The following CHAF1A variants were observed in gnomAD, a reference collection of about 807,000 sequenced individuals.
The protein encoded by CHAF1A is CAF-1 subunit A.
A neutral mutation model predicts 93.2 loss-of-function variants in CHAF1A; 5 were observed. The observed-to-expected ratio is 0.05, with a 90% CI of 0.03 to 0.11. The LOEUF (loss-of-function observed/expected upper bound fraction) is 0.11, where lower values mean the gene tolerates loss of function less well. Ranked by LOEUF, CHAF1A falls within the 10% of genes least tolerant of loss-of-function variation. The pLI is 1.00. For missense variants in CHAF1A, 1,102 were observed against 1,259.9 expected (o/e 0.87, Z 1.90); for synonymous variants, 504 against 510.3 (o/e 0.99, Z 0.17).
At chr19:4,447,310 G>C, downstream of CHAF1A, 1 of 581,126 alleles carries the variant, frequency 1.7e-6, no homozygotes, top group Non-Finnish European at 3.1e-6. Context: ...AGCTGAAGAG[G>C]AGGAAAAGGA....
At chr19:4,417,726 G>A (rs1423984250) in intron 3 of CHAF1A, among the ~76,000 whole-genome samples, 2 of 152,164 alleles carry the variant, frequency 1.3e-5, no homozygotes, top group African/African-American at 4.8e-5. Flanking sequence ...CTCCCAAAGT[G>A]CTGGAATTAC....
At chr19:4,407,566 A>C (rs1037432876) in intron 2 of CHAF1A, among the ~76,000 whole-genome samples, 4 of 152,226 alleles carry the variant, frequency 2.6e-5, no homozygotes, top group Admixed American at 6.5e-5. Flanking sequence ...TAAATTTGGA[A>C]TATGAACTGC....
chr19:4,429,823 C>T (rs753639998), intron 10 of CHAF1A, 35 bp downstream of exon 10: 15 of 1,571,202 alleles, frequency 9.5e-6, no homozygotes, highest in South Asian at 6.9e-5. Flanking sequence ...CACTCACAGA[C>T]GGCTTGTGTT....
At position 4,427,071 on chromosome 19, in the gene CHAF1A, A is replaced by G. The variant is rs528280678; in HGVS notation, c.1378-1593A>G. Among the ~76,000 whole-genome samples the G allele has an allele frequency of 4.6e-4, 67 of 144,938 alleles. 2 individuals carry two copies. Among genetic ancestry groups the G allele is most frequent in the Non-Finnish European group, 7.5e-5 (5 of 66,320 alleles). ...GCACCACTGTACTCCAGGCTGCGCA[A>G]TGAAGCGAGACTCCATCTCAGAAAA... On this transcript the variant is annotated intron_variant, in intron 7 of 14. Coordinates refer to ENST00000301280, the MANE Select transcript of CHAF1A (RefSeq NM_005483.3).
chr19:4,430,874 C>T, intron 11 of CHAF1A: 1 of 531,876 alleles, frequency 1.9e-6, no homozygotes, highest in South Asian at 2.1e-5. Flanking sequence ...TAGGAGCAGA[C>T]ACCCTGGTGA....
chr19:4,410,884 T>C (rs2145075023), intron 3 of CHAF1A, among the ~76,000 whole-genome samples: 1 of 152,316 alleles, frequency 6.6e-6, no homozygotes, highest in South Asian at 2.1e-4. Flanking sequence ...AGGGGGACTT[T>C]TGCATGGTCT....
chr19:4,445,535 T>G, downstream of CHAF1A: 1 of 1,613,894 alleles, frequency 6.2e-7, no homozygotes. Flanking sequence ...GAGCTCGGGT[T>G]TCAGGATGGA....
chr19:4,423,787 C>G lies in CHAF1A; in HGVS notation c.1309-19C>G. 6.2e-7 allele frequency: 1 copy of G among 1,612,758 alleles called. No individual in the cohort carries two copies. Among genetic ancestry groups the G allele is most frequent in the Non-Finnish European group, 8.5e-7 (1 of 1,178,732 alleles). On this transcript the variant is annotated intron_variant, in intron 6 of 14. Coordinates refer to ENST00000301280, the MANE Select transcript of CHAF1A (RefSeq NM_005483.3). The stretch of plus-strand genomic sequence containing the variant: ...CCTCTTCCTCTCCTCTTTCTCATCA[C>G]CATCTCTTAACATCACAGCGCATTA...
chr19:4,439,423 C>T (rs951024984), intron 13 of CHAF1A, among the ~76,000 whole-genome samples: 1 of 152,174 alleles, frequency 6.6e-6, no homozygotes, highest in East Asian at 1.9e-4. Context: ...GTGCTGCTGG[C>T]GAGATGACAG....
Position 4,415,949 on chromosome 19 carries a change from G to A in CHAF1A, c.961-2071G>A, listed in dbSNP as rs575952825. On this transcript the variant is annotated intron_variant, in intron 3 of 14. Coordinates refer to ENST00000301280, the MANE Select transcript of CHAF1A (RefSeq NM_005483.3). Reference sequence around the variant, plus strand: ...AGCACTTTGGGAGGCCGAGGCGGGCGGATCACGAGGTCAGGAGATCGAGAC... The same window carrying A: ...AGCACTTTGGGAGGCCGAGGCGGGCAGATCACGAGGTCAGGAGATCGAGAC... Among the ~76,000 whole-genome samples the A allele has an allele frequency of 2.8e-3, 421 of 152,184 alleles. 2 individuals are homozygous for A. The highest frequency in any genetic ancestry group is 9.9e-3 in the African/African-American group (410 of 41,546).
chr19:4,429,069 C>A, intron 8 of CHAF1A, 179 bp downstream of exon 8: 1 of 606,124 alleles, frequency 1.6e-6, no homozygotes, highest in Non-Finnish European at 2.9e-6. Context: ...CTGTAAGCTC[C>A]TGAAGTCTTC....
chr19:4,428,827 G>C lies in CHAF1A; in HGVS notation c.1541G>C (p.Gly514Ala). Residue 514 changes from glycine (G) to alanine (A), a missense_variant, in exon 8 of 15, where the codon GGC (glycine) becomes GCC (alanine). Transcript: ENST00000301280. Reference protein sequence around the residue: ...GEFSFLKDLKGRQPLRSGPTH... With the variant: ...GEFSFLKDLKARQPLRSGPTH... ...TTCTCCTTCTTGAAAGACCTCAAAG[G>C]CCGGCAGCCCCTGAGGTCCGGACCC... The C allele has an allele frequency of 6.2e-7, 1 of 1,614,016 alleles. No individual in the cohort carries two copies. Among genetic ancestry groups the C allele is most frequent in the African/African-American group, 1.3e-5 (1 of 75,036 alleles).
chr19:4,419,790 T>G (rs1973958391), intron 4 of CHAF1A, among the ~76,000 whole-genome samples: 1 of 152,308 alleles, frequency 6.6e-6, no homozygotes, highest in East Asian at 1.9e-4. Flanking sequence ...TAAAGCTCAT[T>G]GGAACCTCCG....
At chr19:4,440,603 A>C (rs1366912820) in intron 13 of CHAF1A, among the ~76,000 whole-genome samples, 1 of 152,044 alleles carries the variant, frequency 6.6e-6, no homozygotes, top group Non-Finnish European at 1.5e-5. Context: ...CACAGTCATC[A>C]CTTCACATCA....
chr19:4,427,300 C>A (rs1364918766), intron 7 of CHAF1A, among the ~76,000 whole-genome samples: 2 of 146,420 alleles, frequency 1.4e-5, no homozygotes, highest in Non-Finnish European at 3.0e-5. Flanking sequence ...CAGGTGCCCA[C>A]CACCATGCCA....
chr19:4,405,800 C>T, intron 1 of CHAF1A, 112 bp from the exon 2 acceptor site: 1 of 885,212 alleles, frequency 1.1e-6, no homozygotes, highest in Admixed American at 1.8e-5. Context: ...CCCCCGAGGA[C>T]AGAGGGGTCA....
chr19:4,448,307 C>T (rs748050606), downstream of CHAF1A: 2 of 1,596,768 alleles, frequency 1.3e-6, no homozygotes, highest in Non-Finnish European at 8.5e-7. Context: ...GCAAAGGGGC[C>T]ACACGCTCAC....
chr19:4,450,448 G>C, the CHAF1A span: 2 of 151,958 alleles, frequency 1.3e-5, no homozygotes, highest in African/African-American at 4.8e-5. Flanking sequence ...ATAGGCAAAA[G>C]CCTAAATTGC....
intron 1 of CHAF1A, among the ~76,000 whole-genome samples, chr19:4,404,012 G>A (rs1973635780): frequency 6.6e-6 from 1 of 151,850 alleles, no homozygotes; most frequent in African/African-American, 2.4e-5. Flanking sequence ...GTAGAGACGG[G>A]GTTTCACCAT....
Sources: gnomAD v4.1 joint callset for allele counts (sites outside exome capture counted in the v4.1 genomes callset) on GRCh38, gnomAD v4.1.1 for gene constraint, MANE v1.5 for transcripts, NCBI Gene and HGNC (gene_info 2026-07-23, HGNC 2026-07-21) for gene names.